AGBL4: variants seen among roughly 807,000 people sequenced by gnomAD.
AGBL4 encodes AGBL carboxypeptidase 4.
AGBL4 carries 58 observed loss-of-function variants against 66.4 expected under a neutral mutation model. The observed-to-expected ratio is 0.87, with a 90% CI of 0.71 to 1.09. The LOEUF (loss-of-function observed/expected upper bound fraction) is 1.09, where lower values mean the gene tolerates loss of function less well. Among genes scored for constraint, AGBL4 ranks in the 50% least tolerant of loss-of-function variants. AGBL4 has a pLI of 0.00. For missense variants in AGBL4, 579 were observed against 631.0 expected, an observed-to-expected ratio of 0.92 and a Z score of 0.88; for synonymous variants, 234 against 222.9, an observed-to-expected ratio of 1.05 and a Z score of -0.44.
At chr1:48,955,263 A>C (rs564383827) in intron 5 of AGBL4, among the ~76,000 whole-genome samples, 10 of 152,148 alleles carry the variant, frequency 6.6e-5, no homozygotes, top group Admixed American at 6.5e-4. Context: ...TTTTAACCAC[A>C]GTTATAATAT....
intron 6 of AGBL4, among the ~76,000 whole-genome samples, chr1:48,718,298 C>A (rs1647085654): frequency 6.6e-6 from 1 of 152,194 alleles, no homozygotes; most frequent in Non-Finnish European, 1.5e-5. Flanking sequence ...CCCTCCTGGG[C>A]CCTGTGGAGG....
At chr1:48,877,064 C>T (rs1649301767) in intron 5 of AGBL4, among the ~76,000 whole-genome samples, 1 of 152,048 alleles carries the variant, frequency 6.6e-6, no homozygotes, top group Non-Finnish European at 1.5e-5. Flanking sequence ...AAACTGAGGC[C>T]ACAGAAGGAA....
intron 2 of AGBL4, among the ~76,000 whole-genome samples, chr1:49,698,775 T>G (rs926181543): frequency 2.0e-5 from 3 of 152,110 alleles, no homozygotes; most frequent in Non-Finnish European, 4.4e-5. Flanking sequence ...AATTAAATAT[T>G]AATATTCACT....
intron 2 of AGBL4, among the ~76,000 whole-genome samples, chr1:49,741,582 G>T (rs1650476796): frequency 6.6e-6 from 1 of 152,030 alleles, no homozygotes; most frequent in Non-Finnish European, 1.5e-5. Context: ...CCAAAGCCTG[G>T]CTGAGACACA....
intron 9 of AGBL4, among the ~76,000 whole-genome samples, chr1:48,601,879 G>T (rs1418878494): frequency 6.6e-6 from 1 of 152,072 alleles, no homozygotes; most frequent in African/African-American, 2.4e-5. Context: ...AAGTAGAAAA[G>T]CCAGGCCTTC....
At chr1:49,054,378 A>T (rs1313272554) in intron 4 of AGBL4, among the ~76,000 whole-genome samples, 2 of 152,196 alleles carry the variant, frequency 1.3e-5, no homozygotes, top group Non-Finnish European at 1.5e-5. Flanking sequence ...GATACAGCTT[A>T]TTCATTTTCA....
At chr1:48,751,626 C>T (rs1311478640) in intron 6 of AGBL4, among the ~76,000 whole-genome samples, 1 of 152,248 alleles carries the variant, frequency 6.6e-6, no homozygotes, top group African/African-American at 2.4e-5. Flanking sequence ...TTCCCACCTC[C>T]ATTTCCTGCC....
At chr1:49,870,882 C>G (rs4285748) in intron 1 of AGBL4, among the ~76,000 whole-genome samples, 8 of 152,042 alleles carry the variant, frequency 5.3e-5, no homozygotes, top group African/African-American at 1.4e-4. Context: ...AATATTGGAA[C>G]CTTTGTGCAT....
At chr1:49,109,765 C>T (rs1238210362) in intron 4 of AGBL4, among the ~76,000 whole-genome samples, 1 of 152,194 alleles carries the variant, frequency 6.6e-6, no homozygotes, top group East Asian at 1.9e-4. Flanking sequence ...CTCACTGATT[C>T]CACCTTTCCC....
At chr1:49,554,283 T>A (rs972808759) in intron 3 of AGBL4, among the ~76,000 whole-genome samples, 4 of 152,188 alleles carry the variant, frequency 2.6e-5, no homozygotes, top group African/African-American at 9.7e-5. Context: ...ATAAGATTTC[T>A]TCCATGCCAA....
intron 11 of AGBL4, among the ~76,000 whole-genome samples, chr1:48,565,095 C>A (rs1262273654): frequency 6.6e-6 from 1 of 152,190 alleles, no homozygotes; most frequent in Non-Finnish European, 1.5e-5. Context: ...CATCATACAC[C>A]TGGCCCAGGC....
intron 6 of AGBL4, among the ~76,000 whole-genome samples, chr1:48,845,568 C>A (rs1365720529): frequency 6.6e-6 from 1 of 152,180 alleles, no homozygotes; most frequent in Non-Finnish European, 1.5e-5. Flanking sequence ...ACTCTCTTTG[C>A]AAAAGCCTAA....
At chr1:49,406,084 A>G (rs1645191002) in intron 3 of AGBL4, among the ~76,000 whole-genome samples, 1 of 152,248 alleles carries the variant, frequency 6.6e-6, no homozygotes, top group Admixed American at 6.5e-5. Flanking sequence ...AAAACGGGTC[A>G]GTGCAACTTT....
chr1:48,961,614 G>A (rs868539164), intron 5 of AGBL4, among the ~76,000 whole-genome samples: 8 of 152,250 alleles, frequency 5.3e-5, no homozygotes, highest in Non-Finnish European at 1.2e-4. Flanking sequence ...ATCCCAGGAG[G>A]ATCCTGGCAT....
rs1277299463 is a variant in AGBL4, at chr1:49,245,801, G to T, written c.346C>A (p.Pro116Thr). 3 of 1,549,428 alleles carry T rather than the reference G, an allele frequency of 1.9e-6. No individual in the cohort carries two copies. In the African/African-American group the frequency reaches 4.1e-5, roughly 21 times the overall value. The change falls in exon 4 of 14, where the codon CCT (proline) becomes ACT (threonine). Residue 116 changes from proline to threonine, a missense_variant. Pro to Thr is a conservative substitution (Grantham distance 38). Transcript: ENST00000371839. ...GGTCTGCTGGTAGATTTCACCATAG[G>T]GGCCATCCCATCTCTATAGAGACTC... ...TKSLYRDGMA[P>T]MVKSTSRPKW...
At chr1:49,780,739 T>A (rs184745306) in intron 2 of AGBL4, among the ~76,000 whole-genome samples, 16 of 151,944 alleles carry the variant, frequency 1.1e-4, no homozygotes, top group South Asian at 2.1e-4. Context: ...AGAAAAAAAG[T>A]CATTTAAAAA....
intron 5 of AGBL4, among the ~76,000 whole-genome samples, chr1:48,868,224 T>G (rs1357434566): frequency 6.6e-6 from 1 of 152,234 alleles, no homozygotes; most frequent in African/African-American, 2.4e-5. Flanking sequence ...GCAGGAGCTT[T>G]CAATCACCTA....
intron 3 of AGBL4, among the ~76,000 whole-genome samples, chr1:49,536,102 T>C (rs555975491): frequency 2.0e-5 from 3 of 152,366 alleles, no homozygotes; most frequent in South Asian, 2.1e-4. Flanking sequence ...TTAGCTTTCA[T>C]TGTATCATCT....
At chr1:48,640,868 A>T (rs1247380002) in intron 8 of AGBL4, among the ~76,000 whole-genome samples, 1 of 152,248 alleles carries the variant, frequency 6.6e-6, no homozygotes, top group Non-Finnish European at 1.5e-5. Flanking sequence ...CTCATGAAGG[A>T]CATCATGCCT....
Sources: gnomAD v4.1 joint callset for allele counts (sites outside exome capture counted in the v4.1 genomes callset) on GRCh38, gnomAD v4.1.1 for gene constraint, MANE v1.5 for transcripts, NCBI Gene and HGNC (gene_info 2026-07-23, HGNC 2026-07-21) for gene names.